Variants in PBRM1 observed in about 807,000 individuals in gnomAD.
The protein encoded by PBRM1 is protein polybromo-1.
In PBRM1, 27 loss-of-function variants were observed where a neutral mutation model predicts 194.5. That is an observed-to-expected ratio of 0.14 (90% CI 0.10 to 0.19). The LOEUF (loss-of-function observed/expected upper bound fraction) is 0.19, where lower values mean the gene tolerates loss of function less well. Ranked by LOEUF, PBRM1 falls within the 10% of genes least tolerant of loss-of-function variation. The pLI, the probability that PBRM1 is intolerant of heterozygous loss-of-function variation, is 1.00. For missense variants in PBRM1, 1,466 were observed against 2,077.2 expected (o/e 0.71, Z 5.72); for synonymous variants, 655 against 693.2 (o/e 0.94, Z 0.87).
In PBRM1 at chr3:52,645,506, CT is replaced by C. The variant is rs78147048; in HGVS notation, c.814-718del. The stretch of plus-strand genomic sequence containing the variant: ...GTAGATCTTAGCAATCTCAGCATAC[CT>C]TTTTTTTTTTTTTTTCCTTTCTTAA... On this transcript the variant is annotated intron_variant, in intron 7 of 29. Transcript: ENST00000296302. Among the ~76,000 whole-genome samples the C allele has an allele frequency of 6.4e-3, 890 of 138,006 alleles. 7 individuals are homozygous for C. The highest frequency in any genetic ancestry group is 0.064 in the East Asian group (311 of 4,846). 90.5% of individuals were successfully genotyped at this position (138,006 alleles called of 152,430 possible). A position where few individuals can be genotyped will look rare whatever the true frequency, so the allele number is the denominator to read the frequency against.
At position 52,571,559 on chromosome 3, in the gene PBRM1, G is replaced by A. The variant is rs553044316; in HGVS notation, c.3691+4982C>T. Reference sequence around the variant, plus strand: ...GGGAATAGCTTGAACCCAGGAGGTGGAGGTTGCGGTGAACCGAGATTGCAC... The same window carrying A: ...GGGAATAGCTTGAACCCAGGAGGTGAAGGTTGCGGTGAACCGAGATTGCAC... On this transcript the variant is annotated intron_variant, in intron 22 of 29. Transcript: ENST00000296302. 4.0e-5 allele frequency among the ~76,000 whole-genome samples: 6 copies of A among 148,938 alleles called. No homozygotes were observed. The South Asian group carries it at 6.4e-4, about 16-fold the overall frequency.
chr3:52,648,566 C>A, intron 6 of PBRM1, 124 bp from the exon 8 acceptor site: 1 of 493,706 alleles, frequency 2.0e-6, no homozygotes, highest in South Asian at 4.2e-5. Context: ...GGAAAGTACA[C>A]ATATGAACAA....
chr3:52,596,858 C>A (rs2093605572), intron 17 of PBRM1, among the ~76,000 whole-genome samples: 1 of 152,124 alleles, frequency 6.6e-6, no homozygotes, highest in Admixed American at 6.6e-5. Context: ...GTCATGTGCC[C>A]CCTAAGTCCA....
At chr3:52,566,936 G>C (rs1241015445) in intron 22 of PBRM1, among the ~76,000 whole-genome samples, 1 of 152,126 alleles carries the variant, frequency 6.6e-6, no homozygotes, top group Non-Finnish European at 1.5e-5. Context: ...AGGCGTGGTA[G>C]CTTGCGCCTG....
intron 17 of PBRM1, among the ~76,000 whole-genome samples, chr3:52,597,012 G>GT (rs1177712194): frequency 6.6e-6 from 1 of 152,102 alleles, no homozygotes; most frequent in Non-Finnish European, 1.5e-5. Context: ...TCTGACAATT[G>GT]TCCAGTCCAC....
chr3:52,583,484 T>C (rs2091800520), intron 20 of PBRM1, among the ~76,000 whole-genome samples: 1 of 152,064 alleles, frequency 6.6e-6, no homozygotes, highest in African/African-American at 2.4e-5. Flanking sequence ...ACACATATTA[T>C]CAGTCTTTTC....
intron 25 of PBRM1, chr3:52,560,674 G>C (rs989746656): frequency 6.6e-6 from 1 of 152,206 alleles, no homozygotes; most frequent in African/African-American, 2.4e-5. Flanking sequence ...AAGTTTCCAA[G>C]AGAGAGAGTT....
chr3:52,615,359 A>G (rs1024011941), exon 15 of PBRM1: 1 of 1,596,472 alleles, frequency 6.3e-7, no homozygotes, highest in Non-Finnish European at 8.6e-7. Context: ...ACTCAGCTTG[A>G]GTTTGGGAGA....
exon 4 of PBRM1, chr3:52,662,171 C>T (rs775778967): frequency 6.2e-7 from 1 of 1,614,100 alleles, no homozygotes; most frequent in Admixed American, 1.7e-5. Flanking sequence ...TGCCCATCTT[C>T]ATCATCATCT....
rs2095003478 is a variant in PBRM1, at chr3:52,617,122, T to C, written c.1818+140A>G. On this transcript the variant is annotated intron_variant, in intron 14 of 29. Coordinates refer to ENST00000296302, the Ensembl canonical transcript of PBRM1. ...ATGTACTGCCTCTGATTGTAAACAA[T>C]GAAGAAAAATCAATTAACCTAGTCA... 3 of 626,206 alleles carry C rather than the reference T, an allele frequency of 4.8e-6. No homozygotes were observed. In the East Asian group the frequency reaches 8.6e-5, roughly 18 times the overall value. The allele number at this position is 626,206 out of a possible 1,614,324, so 38.8% of individuals were successfully genotyped here.
chr3:52,626,358 G>A (rs2095446506), intron 13 of PBRM1, among the ~76,000 whole-genome samples: 1 of 152,170 alleles, frequency 6.6e-6, no homozygotes. Context: ...AAGGAAAGCA[G>A]GACAGCTCCT....
chr3:52,675,725 T>C (rs183294364), intron 2 of PBRM1, among the ~76,000 whole-genome samples: 5 of 152,110 alleles, frequency 3.3e-5, no homozygotes, highest in Admixed American at 3.3e-4. Context: ...ACATACACGG[T>C]CAAGCAAATT....
At chr3:52,639,201 C>G (rs2095965938) in intron 10 of PBRM1, among the ~76,000 whole-genome samples, 2 of 152,120 alleles carry the variant, frequency 1.3e-5, no homozygotes, top group South Asian at 4.1e-4. Context: ...GTCTCGAACT[C>G]CCAACGTCAG....
At position 52,637,773 on chromosome 3, in the gene PBRM1, C is replaced by CAAAAAAAAAAAAAAAAAAA. The variant is rs755241328; in HGVS notation, c.1088-2977_1088-2959dup. Among the ~76,000 whole-genome samples the CAAAAAAAAAAAAAAAAAAA allele has an allele frequency of 1.6e-3, 68 of 42,220 alleles. 5 individuals are homozygous for CAAAAAAAAAAAAAAAAAAA. Among genetic ancestry groups the CAAAAAAAAAAAAAAAAAAA allele is most frequent in the East Asian group, 6.3e-3 (8 of 1,262 alleles). The allele number at this position is 42,220 out of a possible 152,430, so 27.7% of individuals were successfully genotyped here. A position where few individuals can be genotyped will look rare whatever the true frequency, so the allele number is the denominator to read the frequency against. On this transcript the variant is annotated intron_variant, in intron 10 of 29. Transcript: ENST00000296302. ...CAAAACCATGTCTCTACTAAAAATA[C>CAAAAAAAAAAAAAAAAAAA]AAAAAAAAAAAAAAAAAAAAAAAAT...
intron 20 of PBRM1, among the ~76,000 whole-genome samples, chr3:52,584,251 T>C (rs1372260557): frequency 6.6e-6 from 1 of 152,104 alleles, no homozygotes; most frequent in African/African-American, 2.4e-5. Context: ...TAGTGTGAAA[T>C]GGATATTTTC....
chr3:52,633,310 A>G (rs1461875981), intron 11 of PBRM1, among the ~76,000 whole-genome samples: 2 of 152,136 alleles, frequency 1.3e-5, no homozygotes, highest in Non-Finnish European at 2.9e-5. Flanking sequence ...TTCACTTAGC[A>G]TAATGTCCTC....
downstream of PBRM1, chr3:52,547,069 TGTTAG>T (rs1405220544): frequency 4.3e-6 from 1 of 233,164 alleles, no homozygotes; most frequent in African/African-American, 2.2e-5. Context: ...CTCTTACCCA[TGTTAG>T]GTTAGGTGTT....
At chr3:52,579,760 C>T (rs2090617377) in intron 20 of PBRM1, among the ~76,000 whole-genome samples, 1 of 152,278 alleles carries the variant, frequency 6.6e-6, no homozygotes, top group East Asian at 1.9e-4. Flanking sequence ...TCCCAAGATG[C>T]TTTTATCCTG....
At chr3:52,661,939 C>T (rs553362700) in intron 4 of PBRM1, among the ~76,000 whole-genome samples, 194 bp downstream of exon 5, 3 of 152,272 alleles carry the variant, frequency 2.0e-5, no homozygotes, top group Non-Finnish European at 2.9e-5. Context: ...ACATGGCACA[C>T]GTTGTCCAGG....
Sources: allele counts gnomAD v4.1 joint callset (sites outside exome capture counted in the v4.1 genomes callset), GRCh38; gene constraint gnomAD v4.1.1; transcripts MANE v1.5; gene names NCBI Gene and HGNC (gene_info 2026-07-23, HGNC 2026-07-21).